FARP2: variants seen among roughly 807,000 people sequenced by gnomAD.
FARP2 encodes the protein FERM, ARHGEF and pleckstrin domain-containing protein 2.
A neutral mutation model predicts 130.5 loss-of-function variants in FARP2; 111 were observed. The observed-to-expected ratio is 0.85, with a 90% CI of 0.73 to 1.00. The LOEUF (loss-of-function observed/expected upper bound fraction) is 1.00. Ranked by LOEUF, FARP2 falls within the 50% of genes least tolerant of loss-of-function variation. FARP2 has a pLI of 0.00. For synonymous variants in FARP2, 504 were observed against 516.9 expected (o/e 0.98, Z 0.34); for missense variants, 1,385 against 1,346.3 (o/e 1.03, Z -0.45).
intron 12 of FARP2, among the ~76,000 whole-genome samples, chr2:241,437,666 A>ATTTTTTTTTTTTT (rs1243876155): frequency 1.3e-4 from 17 of 129,260 alleles, no homozygotes; most frequent in Admixed American, 6.3e-4. Context: ...TTATTTATTT[A>ATTTTTTTTTTTTT]TTTATTTTTT....
intron 13 of FARP2, among the ~76,000 whole-genome samples, chr2:241,451,192 T>G (rs2063648881): frequency 1.3e-5 from 2 of 152,142 alleles, no homozygotes; most frequent in South Asian, 4.1e-4. Context: ...AAGGCTGGTC[T>G]CAAACTCCTG....
intron 2 of FARP2, among the ~76,000 whole-genome samples, chr2:241,399,558 C>T (rs1043407490): frequency 6.6e-6 from 1 of 152,182 alleles, no homozygotes; most frequent in Non-Finnish European, 1.5e-5. Context: ...GATCCATCTG[C>T]CTCGGCCTCC....
At chr2:241,487,510 AT>A (rs2064779521) in intron 21 of FARP2, among the ~76,000 whole-genome samples, 1 of 149,180 alleles carries the variant, frequency 6.7e-6, no homozygotes, top group Non-Finnish European at 1.5e-5. Flanking sequence ...TCTACTAAAA[AT>A]ACAAAAATTA....
At chr2:241,391,292 G>A (rs1319266116) in intron 2 of FARP2, among the ~76,000 whole-genome samples, 3 of 152,198 alleles carry the variant, frequency 2.0e-5, no homozygotes, top group African/African-American at 7.2e-5. Context: ...GTTAGTAGCA[G>A]GTTGCTTCTT....
chr2:241,484,968 C>T lies in FARP2; in HGVS notation c.2421+637C>T, dbSNP rs529710256. Among the ~76,000 whole-genome samples the T allele has an allele frequency of 6.6e-5, 10 of 152,252 alleles. No homozygotes were observed. In the East Asian group the frequency reaches 1.9e-3, roughly 29 times the overall value. ...GATGTGCCATTCGTCCAGGACACCA[C>T]GTCACAGTGACTGTCTCTCCCCATG... On this transcript the variant is annotated intron_variant, in intron 21 of 26. Coordinates refer to ENST00000264042, the MANE Select transcript of FARP2 (RefSeq NM_014808.4).
At chr2:241,358,642 C>G (rs1300670493) in intron 1 of FARP2, among the ~76,000 whole-genome samples, 1 of 152,212 alleles carries the variant, frequency 6.6e-6, no homozygotes, top group Non-Finnish European at 1.5e-5. Context: ...CCCCTTTACT[C>G]AGTGCGTCAT....
rs1202683038 is a variant in FARP2, at chr2:241,491,507, T to C, written c.2624-9T>C. On this transcript the variant is annotated splice_polypyrimidine_tract_variant and intron_variant, in intron 23 of 26. Coordinates refer to ENST00000264042, the MANE Select transcript of FARP2 (RefSeq NM_014808.4). ...GGTTCCCCCTGAGACGCTGCTGACT[T>C]CTCCCCAGGATCCCCCAACGAGGTA... The C allele has an allele frequency of 6.2e-7, 1 of 1,612,668 alleles. No homozygotes were observed. Among genetic ancestry groups the C allele is most frequent in the Non-Finnish European group, 8.5e-7 (1 of 1,179,792 alleles).
chr2:241,484,391 C>T lies in FARP2; in HGVS notation c.2421+60C>T. 16 of 1,391,398 alleles carry T rather than the reference C, an allele frequency of 1.1e-5. No individual in the cohort carries two copies. The South Asian group carries it at 1.6e-4, about 14-fold the overall frequency. The allele number at this position is 1,391,398 out of a possible 1,614,324, so 86.2% of individuals were successfully genotyped here. A position where few individuals can be genotyped will look rare whatever the true frequency, so the allele number is the denominator to read the frequency against. The stretch of plus-strand genomic sequence containing the variant: ...GTGGTGCTGGGCTGGGCCCCACCTA[C>T]CTCTCTCCTGCAGAGGCGAATCCTT... On this transcript the variant is annotated intron_variant, in intron 21 of 26. Transcript: ENST00000264042.
At chr2:241,402,925 T>C (rs1253016719) in intron 2 of FARP2, among the ~76,000 whole-genome samples, 3 of 113,296 alleles carry the variant, frequency 2.6e-5, no homozygotes, top group Admixed American at 9.2e-5. Flanking sequence ...GAGACAGTGT[T>C]TTGCCATGTT....
intron 8 of FARP2, among the ~76,000 whole-genome samples, chr2:241,429,849 G>A (rs1295507571): frequency 6.6e-6 from 1 of 152,242 alleles, no homozygotes; most frequent in Non-Finnish European, 1.5e-5. Context: ...TCCAGAGGCT[G>A]AGACAGGATG....
In FARP2 at chr2:241,402,878, ATATTTTTTTTTT is replaced by A. The variant is rs2062228415; in HGVS notation, c.184-948_184-937del. ...TATATATATATATATATATATATAT[ATATTTTTTTTTT>A]TTTTTTTTTTTTTTTTTTTTTGTAG... On this transcript the variant is annotated intron_variant, in intron 2 of 26. Transcript: ENST00000264042. 1.7e-3 allele frequency among the ~76,000 whole-genome samples: 14 copies of A among 8,470 alleles called. No individual in the cohort carries two copies. In the Admixed American group the frequency reaches 0.024, roughly 14 times the overall value. 5.6% of individuals were successfully genotyped at this position (8,470 alleles called of 152,430 possible).
intron 8 of FARP2, among the ~76,000 whole-genome samples, chr2:241,425,858 C>A (rs911307137): frequency 2.2e-5 from 3 of 136,836 alleles, no homozygotes; most frequent in Non-Finnish European, 3.2e-5. Context: ...CAAACTAATT[C>A]TTTTGTTTTT....
rs1238134390 is a variant in FARP2, at chr2:241,366,120, T to TATATATATATATAC, written c.-24-6963_-24-6962insTATATATATATACA. On this transcript the variant is annotated intron_variant, in intron 1 of 26. Transcript: ENST00000264042. ...AAAAAAAAAAATATATATATATATA[T>TATATATATATATAC]ACGTATATATATATATATACACACA... Among the ~76,000 whole-genome samples the TATATATATATATAC allele has an allele frequency of 2.1e-3, 94 of 44,056 alleles. 4 individuals carry two copies. Among genetic ancestry groups the TATATATATATATAC allele is most frequent in the Non-Finnish European group, 2.9e-3 (67 of 22,722 alleles). The allele number at this position is 44,056 out of a possible 152,430, so 28.9% of individuals were successfully genotyped here.
chr2:241,461,279 C>T (rs936766292), intron 14 of FARP2, among the ~76,000 whole-genome samples: 2 of 152,162 alleles, frequency 1.3e-5, no homozygotes, highest in East Asian at 1.9e-4. Context: ...CTCACCCCTC[C>T]GCGCCCCCCA....
chr2:241,390,506 A>G lies in FARP2; in HGVS notation c.184-13322A>G, dbSNP rs551999862. ...TTATTTTTCCACACCACTGATTCCA[A>G]TTCAAGTCTTGTCCATCTGTTGTTT... On this transcript the variant is annotated intron_variant, in intron 2 of 26. Transcript: ENST00000264042. Among the ~76,000 whole-genome samples the G allele has an allele frequency of 2.4e-4, 36 of 152,114 alleles. No individual in the cohort carries two copies. In the South Asian group the frequency reaches 2.9e-3, roughly 12 times the overall value.
intron 2 of FARP2, among the ~76,000 whole-genome samples, chr2:241,389,084 C>A (rs1024012925): frequency 1.2e-4 from 19 of 152,056 alleles, no homozygotes; most frequent in African/African-American, 4.1e-4. Context: ...AGTTAGAAAC[C>A]AGCCTGGCCA....
chr2:241,430,513 C>G (rs2063064024), intron 8 of FARP2, among the ~76,000 whole-genome samples: 1 of 152,156 alleles, frequency 6.6e-6, no homozygotes, highest in African/African-American at 2.4e-5. Context: ...TCTGTATCTG[C>G]TGAAACCAGG....
rs1464298449 is a variant in FARP2, at chr2:241,417,994, T to C, written c.656T>C (p.Val219Ala). 6.2e-7 allele frequency: 1 copy of C among 1,614,214 alleles called. No homozygotes were observed. The highest frequency in any genetic ancestry group is 8.5e-7 in the Non-Finnish European group (1 of 1,180,036). Residue 219 changes from valine (V) to alanine (A), a missense_variant, in exon 8 of 27, where the codon GTG (valine) becomes GCG (alanine). Coordinates refer to ENST00000264042, the MANE Select transcript of FARP2 (RefSeq NM_014808.4). ...GQTPAESDFQ[V>A]LEIARKLEMY... ...ACACCTGCTGAGTCGGATTTCCAGGTGCTCGAAATTGCTCGAAAGTTGGAA... is the reference window on the plus strand; with the variant it reads ...ACACCTGCTGAGTCGGATTTCCAGGCGCTCGAAATTGCTCGAAAGTTGGAA...
intron 13 of FARP2, among the ~76,000 whole-genome samples, chr2:241,447,649 C>T (rs1437311297): frequency 1.3e-5 from 2 of 152,172 alleles, no homozygotes; most frequent in Non-Finnish European, 2.9e-5. Flanking sequence ...AGACCCCTGC[C>T]CCAGAGTGCA....
Sources: allele counts gnomAD v4.1 joint callset (sites outside exome capture counted in the v4.1 genomes callset), GRCh38; gene constraint gnomAD v4.1.1; transcripts MANE v1.5; gene names NCBI Gene and HGNC (gene_info 2026-07-23, HGNC 2026-07-21).